Variants in PTPRR observed in about 807,000 individuals in gnomAD.
The protein encoded by PTPRR is receptor-type tyrosine-protein phosphatase R.
A neutral mutation model predicts 77.2 loss-of-function variants in PTPRR; 38 were observed. That is an observed-to-expected ratio of 0.49 (90% CI 0.38 to 0.65). The LOEUF is 0.65. Among genes scored for constraint, PTPRR ranks in the 30% least tolerant of loss-of-function variants. The pLI is 0.00. For synonymous variants in PTPRR, 299 were observed against 283.1 expected, an observed-to-expected ratio of 1.06 and a Z score of -0.57; for missense variants, 744 against 799.2, an observed-to-expected ratio of 0.93 and a Z score of 0.83.
intron 2 of PTPRR, among the ~76,000 whole-genome samples, chr12:70,778,588 T>C (rs950139724): frequency 2.6e-5 from 4 of 152,250 alleles, no homozygotes; most frequent in African/African-American, 9.6e-5. Flanking sequence ...CACTTGTATG[T>C]TTTTATTCAG....
intron 2 of PTPRR, among the ~76,000 whole-genome samples, chr12:70,873,230 T>A (rs1365316171): frequency 6.6e-6 from 1 of 152,060 alleles, no homozygotes; most frequent in Non-Finnish European, 1.5e-5. Context: ...GACTTCACAG[T>A]GGAGCAAAAT....
intron 10 of PTPRR, among the ~76,000 whole-genome samples, chr12:70,675,793 T>G (rs1207611669): frequency 6.6e-6 from 1 of 151,934 alleles, no homozygotes; most frequent in Non-Finnish European, 1.5e-5. Flanking sequence ...TAGGATAGAT[T>G]TGTTGGGTAT....
intron 2 of PTPRR, among the ~76,000 whole-genome samples, chr12:70,774,831 A>G (rs1891056060): frequency 6.6e-6 from 1 of 152,218 alleles, no homozygotes; most frequent in Admixed American, 6.5e-5. Flanking sequence ...ATGACTTTAT[A>G]TAGTTAGAAG....
At chr12:70,790,998 A>G (rs897487966) in intron 2 of PTPRR, among the ~76,000 whole-genome samples, 1 of 152,174 alleles carries the variant, frequency 6.6e-6, no homozygotes, top group African/African-American at 2.4e-5. Flanking sequence ...CACATCTATC[A>G]TGGGCCAAAG....
chr12:70,828,761 A>C (rs1010597958), intron 2 of PTPRR, among the ~76,000 whole-genome samples: 1 of 152,186 alleles, frequency 6.6e-6, no homozygotes, highest in African/African-American at 2.4e-5. Context: ...GCAGCACCTA[A>C]AACAACTTGT....
intron 2 of PTPRR, among the ~76,000 whole-genome samples, chr12:70,825,182 G>T (rs1202621249): frequency 6.6e-6 from 1 of 152,102 alleles, no homozygotes; most frequent in Non-Finnish European, 1.5e-5. Flanking sequence ...GGAGGCTGAG[G>T]CAAGAGAATC....
At chr12:70,733,481 A>AAAAAAAAAAAAAAAAAAAAAAAAATAAT (rs1565672469) in intron 6 of PTPRR, among the ~76,000 whole-genome samples, 1 of 80,834 alleles carries the variant, frequency 1.2e-5, no homozygotes, top group African/African-American at 6.3e-5. Context: ...AAAAAAAAAA[A>AAAAAAAAAAAAAAAAAAAAAAAAATAAT]GAAAAAAAAA....
rs781615436 is a variant in PTPRR, at chr12:70,745,821, T to C, written c.1004A>G (p.Glu335Gly). 3.1e-6 allele frequency: 5 copies of C among 1,613,894 alleles called. No homozygotes were observed. Among genetic ancestry groups the C allele is most frequent in the African/African-American group, 1.3e-5 (1 of 74,900 alleles). ...PFKMKPIGLQ[E>G]RRGSNVSLTL... Reference sequence around the variant, plus strand: ...GGTATACAGAACAAGCTCTTACCTCTCTTGAAGTCCTATGGGCTTCATTTT... The same window carrying C: ...GGTATACAGAACAAGCTCTTACCTCCCTTGAAGTCCTATGGGCTTCATTTT... The change falls in exon 6 of 14, where the codon GAG becomes GGG. Residue 335 changes from glutamate (E) to glycine (G), a missense_variant. Physicochemically the swap from Glu to Gly is moderately conservative, Grantham distance 98. Coordinates refer to ENST00000283228, the MANE Select transcript of PTPRR (RefSeq NM_002849.4).
At chr12:70,898,065 A>G (rs1016251192) in intron 1 of PTPRR, among the ~76,000 whole-genome samples, 1 of 151,790 alleles carries the variant, frequency 6.6e-6, no homozygotes, top group Admixed American at 6.6e-5. Context: ...TGACTAGTTA[A>G]TGGGTGCAGC....
intron 6 of PTPRR, among the ~76,000 whole-genome samples, chr12:70,712,190 A>G (rs767440679): frequency 6.6e-6 from 1 of 152,084 alleles, no homozygotes. Context: ...ATCAGTCTTC[A>G]GGTGGAAGGA....
At chr12:70,690,439 A>G (rs113665116) in intron 8 of PTPRR, among the ~76,000 whole-genome samples, 2,434 of 152,318 alleles carry the variant, frequency 0.016, 73 homozygotes, top group African/African-American at 0.055. Context: ...CGCATGTCCA[A>G]TAATTATCAC....
At chr12:70,688,707 A>G (rs1407913972) in intron 8 of PTPRR, among the ~76,000 whole-genome samples, 2 of 152,204 alleles carry the variant, frequency 1.3e-5, no homozygotes, top group Admixed American at 1.3e-4. Flanking sequence ...AAAGGAACTG[A>G]AGTCAGTATG....
At chr12:70,826,082 G>A (rs1489512762) in intron 2 of PTPRR, among the ~76,000 whole-genome samples, 1 of 152,154 alleles carries the variant, frequency 6.6e-6, no homozygotes, top group Admixed American at 6.6e-5. Context: ...TTCTGAGTGA[G>A]CCTCTGCTAG....
chr12:70,684,728 G>T lies in PTPRR; in HGVS notation c.1335C>A (p.Thr445=). The T allele has an allele frequency of 6.2e-7, 1 of 1,603,804 alleles. No individual in the cohort carries two copies. Among genetic ancestry groups the T allele is most frequent in the Non-Finnish European group, 8.5e-7 (1 of 1,172,584 alleles). Residue 445 remains threonine (T), a synonymous_variant, in exon 9 of 14, where the codon ACC becomes ACA. Transcript: ENST00000283228. ...RPKNVTDSLS[T]YINANYIRGY... ...CCCTAATATAATTAGCATTAATGTA[G>T]GTGCTCAATGAATCGGTTACATTTT...
rs560445645 is a variant in PTPRR, at chr12:70,766,160, C to T, written c.358-1382G>A. On this transcript the variant is annotated intron_variant, in intron 2 of 13. Coordinates refer to ENST00000283228, the MANE Select transcript of PTPRR (RefSeq NM_002849.4). ...TCACCAGCAACGGAACAAAGCTGGA[C>T]AGAGAATGACTTTGACGAGTTGAGA... Among the ~76,000 whole-genome samples, 15 of 152,280 alleles carry T rather than the reference C, an allele frequency of 9.9e-5. No homozygotes were observed. The East Asian group carries it at 1.7e-3, about 18-fold the overall frequency.
At chr12:70,748,030 T>C (rs573269904) in intron 5 of PTPRR, among the ~76,000 whole-genome samples, 3 of 152,224 alleles carry the variant, frequency 2.0e-5, no homozygotes, top group African/African-American at 7.2e-5. Context: ...AGGGTGCTAC[T>C]GGCATCTGGT....
intron 2 of PTPRR, among the ~76,000 whole-genome samples, chr12:70,820,259 A>G (rs922124562): frequency 2.0e-5 from 3 of 152,200 alleles, no homozygotes; most frequent in Non-Finnish European, 4.4e-5. Flanking sequence ...CTGGGAAAAG[A>G]CTGAGAGTGA....
rs559347687 is a variant in PTPRR at position 70,859,261 on chromosome 12, A to G, written c.357+33418T>C. Among the ~76,000 whole-genome samples the G allele has an allele frequency of 2.0e-5, 3 of 152,218 alleles. No individual in the cohort carries two copies. The East Asian group carries it at 5.8e-4, about 29-fold the overall frequency. ...ACTCTAGCTGTGAGTTAGAATCAGTAGAGTAGCTTTAAACAATATCAGTAC... is the reference window on the plus strand; with the variant it reads ...ACTCTAGCTGTGAGTTAGAATCAGTGGAGTAGCTTTAAACAATATCAGTAC... On this transcript the variant is annotated intron_variant, in intron 2 of 13. Transcript: ENST00000283228.
chr12:70,707,985 C>T (rs1177731053), intron 6 of PTPRR, among the ~76,000 whole-genome samples: 1 of 152,036 alleles, frequency 6.6e-6, no homozygotes, highest in East Asian at 1.9e-4. Context: ...CTCATCCGGA[C>T]CTGTGTCCCA....
Sources: gnomAD v4.1 joint callset for allele counts (sites outside exome capture counted in the v4.1 genomes callset) on GRCh38, gnomAD v4.1.1 for gene constraint, MANE v1.5 for transcripts, NCBI Gene and HGNC (gene_info 2026-07-23, HGNC 2026-07-21) for gene names.